Variants in STAMBPL1 observed in about 807,000 individuals in gnomAD.
STAMBPL1 encodes AMSH-like protease.
STAMBPL1 carries 44 observed loss-of-function variants against 52.9 expected under a neutral mutation model. That is an observed-to-expected ratio of 0.83 (90% CI 0.65 to 1.07). The LOEUF (loss-of-function observed/expected upper bound fraction) is 1.07. STAMBPL1 is among the 50% of genes least tolerant of loss of function. STAMBPL1 has a pLI of 0.00. For missense variants in STAMBPL1, 511 were observed against 520.8 expected (o/e 0.98, Z 0.18); for synonymous variants, 164 against 177.3 (o/e 0.92, Z 0.60).
intron 3 of STAMBPL1, among the ~76,000 whole-genome samples, chr10:88,907,277 G>C (rs2231778): frequency 2.6e-4 from 39 of 152,200 alleles, no homozygotes; most frequent in African/African-American, 7.0e-4. Context: ...CAGTTTACAT[G>C]GTATGCAAAA....
intron 1 of STAMBPL1, among the ~76,000 whole-genome samples, chr10:88,885,563 T>G (rs1250716111): frequency 6.6e-6 from 1 of 152,170 alleles, no homozygotes; most frequent in Non-Finnish European, 1.5e-5. Context: ...GGGGCAAGCT[T>G]TAGTATTCTG....
intron 4 of STAMBPL1, among the ~76,000 whole-genome samples, chr10:88,910,604 C>T (rs1845195326): frequency 6.6e-6 from 1 of 152,100 alleles, no homozygotes; most frequent in South Asian, 2.1e-4. Context: ...AACTCACTGC[C>T]TAAAAATGGG....
At chr10:88,883,231 T>C (rs1844451541) in intron 1 of STAMBPL1, among the ~76,000 whole-genome samples, 1 of 152,164 alleles carries the variant, frequency 6.6e-6, no homozygotes, top group South Asian at 2.1e-4. Flanking sequence ...ATTTTTTAAA[T>C]CATAACTTTA....
At chr10:88,913,679 CTA>C (rs2133199374) in intron 6 of STAMBPL1, among the ~76,000 whole-genome samples, 1 of 151,506 alleles carries the variant, frequency 6.6e-6, no homozygotes, top group East Asian at 1.9e-4. Flanking sequence ...AGCAGAGACT[CTA>C]TAATAAATGG....
At chr10:88,921,221 A>G in intron 8 of STAMBPL1, 62 bp from the exon 9 acceptor site, 1 of 1,287,206 alleles carries the variant, frequency 7.8e-7, no homozygotes, top group Admixed American at 2.0e-5. Context: ...TTCTATTAAA[A>G]TAGCCTATGG....
chr10:88,899,473 T>A (rs1338748170), intron 1 of STAMBPL1, among the ~76,000 whole-genome samples: 2 of 152,226 alleles, frequency 1.3e-5, no homozygotes, highest in African/African-American at 4.8e-5. Flanking sequence ...TCTCTCTTTA[T>A]GGATCTGAGC....
At chr10:88,915,269 C>G (rs77094826) in intron 7 of STAMBPL1, among the ~76,000 whole-genome samples, 7 of 152,144 alleles carry the variant, frequency 4.6e-5, no homozygotes, top group African/African-American at 1.4e-4. Context: ...TTTCTTTGGA[C>G]GTGTCCTTTC....
intron 9 of STAMBPL1, 110 bp downstream of exon 9, chr10:88,921,505 C>T (rs1845511617): frequency 1.2e-6 from 1 of 806,244 alleles, no homozygotes; most frequent in Non-Finnish European, 2.0e-6. Flanking sequence ...CACACAACGC[C>T]CTCGGGAAAA....
rs1845557870 is a variant in STAMBPL1 at position 88,923,178 on chromosome 10, A to G, written c.1265A>G (p.His422Arg). 6.2e-7 allele frequency: 1 copy of G among 1,605,266 alleles called. No homozygotes were observed. Among genetic ancestry groups the G allele is most frequent in the Admixed American group, 1.7e-5 (1 of 57,248 alleles). The change falls in exon 11 of 11, where the codon CAT becomes CGT. Residue 422 changes from histidine to arginine, a missense_variant. His to Arg is a conservative substitution (Grantham distance 29). Around this residue, in one of 3 missense-constraint regions of STAMBPL1, gnomAD observed 137 missense variants for 139.9 expected, o/e 0.98. Transcript: ENST00000371926. ...KEPRLFSICK[H>R]VLVKDIKIIV... is the part of the protein sequence containing the mutation. ...TTTTTTCTTTCCTAGATATGCAAAC[A>G]TGTGTTGGTAAAAGACATAAAAATA...
In STAMBPL1 at chr10:88,880,821, A is replaced by C. The variant is rs116877656; in HGVS notation, c.-54+183A>C. On this transcript the variant is annotated intron_variant, in intron 1 of 10. Coordinates refer to ENST00000371926, the MANE Select transcript of STAMBPL1 (RefSeq NM_020799.4). The stretch of plus-strand genomic sequence containing the variant: ...GCTGATCGCTTCCTTCCTGCCAGTC[A>C]TGCAATCGGCCGCCTCCATCGGCGC... Among the ~76,000 whole-genome samples, 1,357 of 152,292 alleles carry C rather than the reference A, an allele frequency of 8.9e-3. 35 individuals carry two copies. In the East Asian group the frequency reaches 0.11, roughly 12 times the overall value.
chr10:88,910,361 G>A (rs1482598652), intron 4 of STAMBPL1, among the ~76,000 whole-genome samples: 2 of 152,112 alleles, frequency 1.3e-5, no homozygotes. Flanking sequence ...TGCCATTAAC[G>A]ATCTCTGAGG....
chr10:88,881,382 T>A (rs911025717), intron 1 of STAMBPL1, among the ~76,000 whole-genome samples: 1 of 151,922 alleles, frequency 6.6e-6, no homozygotes, highest in African/African-American at 2.4e-5. Context: ...ATCTAGAGGT[T>A]TGAAAAAAAA....
At chr10:88,922,993 T>C (rs1263100332) in intron 10 of STAMBPL1, among the ~76,000 whole-genome samples, 175 bp from the exon 11 acceptor site, 2 of 152,118 alleles carry the variant, frequency 1.3e-5, no homozygotes, top group Non-Finnish European at 1.5e-5. Context: ...CCTGTAAATA[T>C]TTTTGTTGTT....
At chr10:88,922,681 G>A (rs1030734995) in intron 10 of STAMBPL1, among the ~76,000 whole-genome samples, 1 of 152,052 alleles carries the variant, frequency 6.6e-6, no homozygotes, top group South Asian at 2.1e-4. Context: ...TTACCTTTCC[G>A]CTTATGTATA....
intron 9 of STAMBPL1, among the ~76,000 whole-genome samples, chr10:88,921,650 C>A (rs1845515296): frequency 6.6e-6 from 1 of 152,164 alleles, no homozygotes; most frequent in Non-Finnish European, 1.5e-5. Context: ...GATGCTATCC[C>A]AGTTAGCCTT....
chr10:88,881,836 G>A lies in STAMBPL1; in HGVS notation c.-54+1198G>A, dbSNP rs79692096. On this transcript the variant is annotated intron_variant, in intron 1 of 10. Transcript: ENST00000371926. Reference sequence around the variant, plus strand: ...CAAAAATATACTCTGCCACTGGATTGTAGTGGGCATTGTGTAGCTACACTA... The same window carrying A: ...CAAAAATATACTCTGCCACTGGATTATAGTGGGCATTGTGTAGCTACACTA... 9.1e-3 allele frequency among the ~76,000 whole-genome samples: 1,384 copies of A among 152,318 alleles called. 36 individuals are homozygous for A. In the East Asian group the frequency reaches 0.11, roughly 12 times the overall value.
intron 1 of STAMBPL1, among the ~76,000 whole-genome samples, chr10:88,881,869 C>T (rs1844414359): frequency 6.6e-6 from 1 of 152,174 alleles, no homozygotes; most frequent in Non-Finnish European, 1.5e-5. Flanking sequence ...CTATACATAT[C>T]TTTATTTTTA....
intron 7 of STAMBPL1, 83 bp from the exon 8 acceptor site, chr10:88,916,597 A>G (rs1244233208): frequency 1.4e-6 from 2 of 1,382,988 alleles, no homozygotes; most frequent in African/African-American, 1.5e-5. Flanking sequence ...GGGACTCTTT[A>G]GTCTTAAACA....
chr10:88,913,226 T>A lies in STAMBPL1; in HGVS notation c.546T>A (p.Asp182Glu). ...CGGAGCAGTTTCTGTTTTTCGAAGATCAACTCAAGAAGCAAGAGTTAGCCC... is the reference window on the plus strand; with the variant it reads ...CGGAGCAGTTTCTGTTTTTCGAAGAACAACTCAAGAAGCAAGAGTTAGCCC... ...LESEQFLFFE[D>E]QLKKQELARG... Residue 182 changes from aspartate (D) to glutamate (E), a missense_variant, in exon 6 of 11, where the codon GAT becomes GAA. By Grantham distance (45) the Asp-to-Glu change is conservative (BLOSUM62 2). Coordinates refer to ENST00000371926, the MANE Select transcript of STAMBPL1 (RefSeq NM_020799.4). The A allele has an allele frequency of 6.2e-7, 1 of 1,613,900 alleles. No individual in the cohort carries two copies. Among genetic ancestry groups the A allele is most frequent in the South Asian group, 1.1e-5 (1 of 91,088 alleles).
Sources: allele counts gnomAD v4.1 joint callset (sites outside exome capture counted in the v4.1 genomes callset), GRCh38; gene constraint gnomAD v4.1.1; regional missense constraint gnomAD v4.1.1; transcripts MANE v1.5; gene names NCBI Gene and HGNC (gene_info 2026-07-23, HGNC 2026-07-21).